The following PPP2R2B variants were observed in gnomAD, a reference collection of about 807,000 sequenced individuals.
The protein encoded by PPP2R2B is protein phosphatase 2 regulatory subunit Bbeta, also known as serine/threonine-protein phosphatase 2A 55 kDa regulatory subunit B beta isoform.
Under a neutral mutation model 46.0 loss-of-function variants are expected in PPP2R2B, and 5 were observed. That is an observed-to-expected ratio of 0.11 (90% CI 0.06 to 0.23). The LOEUF is 0.23. Ranked by LOEUF, PPP2R2B falls within the 10% of genes least tolerant of loss-of-function variation. PPP2R2B has a pLI of 1.00. For missense variants in PPP2R2B, 367 were observed against 575.0 expected (o/e 0.64, Z 3.70); for synonymous variants, 215 against 206.7 (o/e 1.04, Z -0.34).
chr5:147,030,283 GT>G (rs1334522021), intron 1 of PPP2R2B, among the ~76,000 whole-genome samples: 1 of 151,998 alleles, frequency 6.6e-6, no homozygotes, highest in Non-Finnish European at 1.5e-5. Context: ...CATTTTAAAT[GT>G]TTTTTATTAT....
intron 2 of PPP2R2B, among the ~76,000 whole-genome samples, chr5:146,780,965 A>T (rs1480743272): frequency 6.6e-6 from 1 of 151,754 alleles, no homozygotes; most frequent in Non-Finnish European, 1.5e-5. Context: ...TACAGTTTTC[A>T]GTGCCAAAGC....
chr5:146,708,397 G>A (rs1417899497), intron 2 of PPP2R2B, among the ~76,000 whole-genome samples: 1 of 125,286 alleles, frequency 8.0e-6, no homozygotes, highest in East Asian at 2.8e-4. Context: ...ATCTATGTAT[G>A]TGTGTGTGTA....
chr5:146,874,137 C>A (rs1761768648), intron 2 of PPP2R2B, among the ~76,000 whole-genome samples: 1 of 152,198 alleles, frequency 6.6e-6, no homozygotes, highest in Admixed American at 6.5e-5. Flanking sequence ...GCATCTTGTG[C>A]CTTTCCTAAA....
At chr5:146,941,131 A>G (rs1315506331) in intron 1 of PPP2R2B, among the ~76,000 whole-genome samples, 1 of 152,204 alleles carries the variant, frequency 6.6e-6, no homozygotes, top group Non-Finnish European at 1.5e-5. Context: ...TTATGAGGCT[A>G]CATGAAATGC....
chr5:146,938,533 A>T (rs1027286723), intron 1 of PPP2R2B, among the ~76,000 whole-genome samples: 6 of 152,184 alleles, frequency 3.9e-5, no homozygotes, highest in African/African-American at 1.4e-4. Context: ...ATTTAAATTT[A>T]AAAAGTTACA....
intron 1 of PPP2R2B, among the ~76,000 whole-genome samples, chr5:146,913,552 GT>G (rs547643494): frequency 4.0e-5 from 6 of 149,386 alleles, no homozygotes; most frequent in African/African-American, 9.9e-5. Context: ...CATTTTCAAT[GT>G]TTTTTTTTTC....
At chr5:146,974,252 A>G (rs1752791174) in intron 1 of PPP2R2B, among the ~76,000 whole-genome samples, 1 of 152,252 alleles carries the variant, frequency 6.6e-6, no homozygotes, top group Admixed American at 6.5e-5. Flanking sequence ...ATGAACTAAT[A>G]GTACTTTCTG....
At chr5:146,801,838 C>T (rs558677015) in intron 2 of PPP2R2B, among the ~76,000 whole-genome samples, 10 of 152,238 alleles carry the variant, frequency 6.6e-5, no homozygotes, top group African/African-American at 2.4e-4. Context: ...TTATTAATAA[C>T]AAATTATAAT....
intron 1 of PPP2R2B, among the ~76,000 whole-genome samples, chr5:146,963,132 TC>T (rs1339571818): frequency 1.3e-5 from 2 of 152,222 alleles, no homozygotes; most frequent in African/African-American, 4.8e-5. Context: ...TTGCTTTGCT[TC>T]CCATTTAGGG....
In PPP2R2B at chr5:146,878,133, C is replaced by T; in HGVS notation, c.-62G>A. 6.2e-7 allele frequency: 1 copy of T among 1,612,060 alleles called. No homozygotes were observed. Among genetic ancestry groups the T allele is most frequent in the Non-Finnish European group, 8.5e-7 (1 of 1,179,070 alleles). On this transcript the variant is annotated 5_prime_UTR_variant, in exon 2 of 10. Coordinates refer to ENST00000394411, the MANE Select transcript of PPP2R2B (RefSeq NM_181675.4). The surrounding 1 kb of genome is among the most constrained non-coding windows in gnomAD (Gnocchi z 4.5). ...GCAGACAAGTATCCATGATCCCTCC[C>T]CGCAGCCAGTCTCACAGGAGAGGGG...
In PPP2R2B at chr5:146,590,197, A is replaced by T. The variant is rs1770467510; in HGVS notation, c.1082T>A (p.Phe361Tyr). The change falls in exon 10 of 10, where the codon TTC (phenylalanine) becomes TAC (tyrosine). Residue 361 changes from phenylalanine (F) to tyrosine (Y), a missense_variant. Around this residue, in one of 2 missense-constraint regions of PPP2R2B, gnomAD observed 361 missense variants for 545.5 expected, o/e 0.66. Coordinates refer to ENST00000394411, the MANE Select transcript of PPP2R2B (RefSeq NM_181675.4). ...SVIMTGSYNN[F>Y]FRMFDRNTKR... ...GGTGTTTCTGTCGAACATCCTGAAGAAGTTGTTGTAGGAGCCTGTCATGAT... is the reference window on the plus strand; with the variant it reads ...GGTGTTTCTGTCGAACATCCTGAAGTAGTTGTTGTAGGAGCCTGTCATGAT... 6.2e-7 allele frequency: 1 copy of T among 1,609,702 alleles called. No homozygotes were observed. The highest frequency in any genetic ancestry group is 8.5e-7 in the Non-Finnish European group (1 of 1,179,682).
At chr5:146,991,794 C>A (rs1363098482) in intron 1 of PPP2R2B, among the ~76,000 whole-genome samples, 1 of 151,822 alleles carries the variant, frequency 6.6e-6, no homozygotes, top group Non-Finnish European at 1.5e-5. Flanking sequence ...AAATGAAATA[C>A]TTAGGGATAC....
chr5:146,608,592 C>T (rs1195560081), intron 7 of PPP2R2B, among the ~76,000 whole-genome samples: 4 of 152,192 alleles, frequency 2.6e-5, no homozygotes, highest in Non-Finnish European at 5.9e-5. Flanking sequence ...GTCAGGAGCT[C>T]GAGACCAACC....
chr5:146,741,175 A>T (rs1003155952), intron 2 of PPP2R2B, among the ~76,000 whole-genome samples: 1 of 152,112 alleles, frequency 6.6e-6, no homozygotes, highest in Non-Finnish European at 1.5e-5. Context: ...TTTTGAAAAA[A>T]CCTAGTTGAT....
chr5:146,825,336 T>C lies in PPP2R2B; in HGVS notation c.70+52666A>G, dbSNP rs76066815. Among the ~76,000 whole-genome samples, 1,021 of 152,346 alleles carry C rather than the reference T, an allele frequency of 6.7e-3. 9 individuals are homozygous for C. The highest frequency in any genetic ancestry group is 0.01 in the Non-Finnish European group (707 of 68,022). ...ATCTCACAGTGCAGTGGCCCACACT[T>C]CCATGTTTATTTGGAAAAAGAAAAC... On this transcript the variant is annotated intron_variant, in intron 2 of 9. Coordinates refer to ENST00000394411, the MANE Select transcript of PPP2R2B (RefSeq NM_181675.4).
At chr5:146,751,872 A>G (rs930187919) in intron 2 of PPP2R2B, among the ~76,000 whole-genome samples, 2 of 152,198 alleles carry the variant, frequency 1.3e-5, no homozygotes, top group Non-Finnish European at 2.9e-5. Flanking sequence ...AGAGAAAACT[A>G]CAAGTGCAAA....
At chr5:146,640,119 C>T (rs1424979158) in intron 6 of PPP2R2B, among the ~76,000 whole-genome samples, 1 of 152,270 alleles carries the variant, frequency 6.6e-6, no homozygotes, top group Non-Finnish European at 1.5e-5. Context: ...CATCACTATG[C>T]TCCTGCTACA....
At chr5:146,620,855 T>C (rs1442582774) in intron 7 of PPP2R2B, among the ~76,000 whole-genome samples, 1 of 152,160 alleles carries the variant, frequency 6.6e-6, no homozygotes, top group African/African-American at 2.4e-5. Context: ...TCTGCCCAGG[T>C]GGAAGAGCTC....
At chr5:146,881,446 T>G (rs1197282051), upstream of PPP2R2B, among the ~76,000 whole-genome samples, 2 of 152,198 alleles carry the variant, frequency 1.3e-5, no homozygotes, top group African/African-American at 4.8e-5. Flanking sequence ...CCAGAGTCTC[T>G]CTGTCACCCA....
Sources: allele counts gnomAD v4.1 joint callset (sites outside exome capture counted in the v4.1 genomes callset), GRCh38; gene constraint gnomAD v4.1.1; regional missense constraint gnomAD v4.1.1; non-coding constraint Gnocchi (gnomAD v3.1); transcripts MANE v1.5; gene names NCBI Gene and HGNC (gene_info 2026-07-23, HGNC 2026-07-21).